Variants in RIN2 observed in about 807,000 individuals in gnomAD.
RIN2 encodes the protein Ras and Rab interactor 2, also known as RAB5 interacting protein 2.
Under a neutral mutation model 78.0 loss-of-function variants are expected in RIN2, and 36 were observed. The observed-to-expected ratio is 0.46, with a 90% CI of 0.35 to 0.61. The LOEUF (loss-of-function observed/expected upper bound fraction) is 0.61, where lower values mean the gene tolerates loss of function less well. Ranked by LOEUF, RIN2 falls within the 20% of genes least tolerant of loss-of-function variation. The pLI is 0.00. For synonymous variants in RIN2, 466 were observed against 466.8 expected, an observed-to-expected ratio of 1.00 and a Z score of 0.02; for missense variants, 1,087 against 1,159.7, an observed-to-expected ratio of 0.94 and a Z score of 0.91.
At chr20:19,934,911 T>A (rs534909272) in intron 3 of RIN2, among the ~76,000 whole-genome samples, 188 bp from the exon 4 acceptor site, 53 of 151,290 alleles carry the variant, frequency 3.5e-4, no homozygotes, top group African/African-American at 1.2e-3. Flanking sequence ...AAGGAGAAGC[T>A]GCCTCCTCCC....
At chr20:19,889,769 G>A (rs895227660) in intron 3 of RIN2, 111 bp downstream of exon 3, 31 of 823,386 alleles carry the variant, frequency 3.8e-5, no homozygotes, top group Middle Eastern at 3.2e-4. Context: ...AGCCAGCACC[G>A]GCTAAGGGAG....
intron 2 of RIN2, chr20:19,823,365 G>A: frequency 1.6e-6 from 1 of 610,596 alleles, no homozygotes; most frequent in African/African-American, 1.9e-5. Flanking sequence ...GTGAGTGAAT[G>A]GTGGTAACAT....
chr20:19,975,259 C>G lies in RIN2; in HGVS notation c.1234C>G (p.Pro412Ala). ...EAAPGDCTRA[P>A]PPSSESRPPC... The stretch of plus-strand genomic sequence containing the variant: ...CGCCCCGGGGGATTGCACAAGGGCC[C>G]CGCCGCCCAGCTCTGAATCACGGCC... Residue 412 changes from proline to alanine, a missense_variant, in exon 9 of 13, where the codon CCG (proline) becomes GCG (alanine). Physicochemically the swap from Pro to Ala is conservative, Grantham distance 27 (BLOSUM62 -1). Transcript: ENST00000255006. This position sits in a 1 kb window ranked among gnomAD's most constrained non-coding sequence, Gnocchi z 4.9. The G allele has an allele frequency of 6.3e-7, 1 of 1,583,852 alleles. No individual in the cohort carries two copies. Among genetic ancestry groups the G allele is most frequent in the East Asian group, 2.3e-5 (1 of 43,292 alleles).
chr20:19,873,481 C>T lies in RIN2; in HGVS notation c.-36-16085C>T, dbSNP rs190381756. ...ATAACATTTTAGGGTTTGCAGGCCA[C>T]GTAGTCTCTGTTGCAACTACTCAGT... On this transcript the variant is annotated intron_variant, in intron 2 of 12. Coordinates refer to ENST00000255006, the MANE Select transcript of RIN2 (RefSeq NM_018993.4). Among the ~76,000 whole-genome samples, 46 of 152,248 alleles carry T rather than the reference C, an allele frequency of 3.0e-4. No individual in the cohort carries two copies. In the East Asian group the frequency reaches 5.2e-3, roughly 17 times the overall value.
At chr20:19,972,937 T>C (rs2042152991) in intron 8 of RIN2, among the ~76,000 whole-genome samples, 1 of 152,256 alleles carries the variant, frequency 6.6e-6, no homozygotes, top group Admixed American at 6.5e-5. Flanking sequence ...ATCCAAAACA[T>C]TATAATTTCT....
intron 4 of RIN2, among the ~76,000 whole-genome samples, chr20:19,937,430 G>A (rs1211214064): frequency 3.2e-4 from 49 of 152,188 alleles, no homozygotes; most frequent in Admixed American, 3.2e-3. Context: ...TTCGTACTCT[G>A]TGAGTGTGAG....
rs144332755 is a variant in RIN2, at chr20:19,906,747, G to A, written c.57+17089G>A. On this transcript the variant is annotated intron_variant, in intron 3 of 12. Coordinates refer to ENST00000255006, the MANE Select transcript of RIN2 (RefSeq NM_018993.4). ...TGTTTAAGTCTCCTGACTTTTGCAT[G>A]AAATATTATTATATTTAAATGTTGA... 9.2e-5 allele frequency among the ~76,000 whole-genome samples: 14 copies of A among 152,300 alleles called. 1 individual carries two copies. The East Asian group carries it at 2.7e-3, about 29-fold the overall frequency.
At chr20:19,794,578 G>A (rs1160309246) in intron 1 of RIN2, among the ~76,000 whole-genome samples, 1 of 147,794 alleles carries the variant, frequency 6.8e-6, no homozygotes, top group Non-Finnish European at 1.5e-5. Context: ...ACTAGGTAAT[G>A]ATGAATAACG....
chr20:19,776,102 A>G (rs2122473612), intron 1 of RIN2, among the ~76,000 whole-genome samples: 2 of 152,242 alleles, frequency 1.3e-5, no homozygotes, highest in Admixed American at 1.3e-4. Context: ...AAGTCCCCCA[A>G]CTAACTGATG....
At chr20:19,973,874 A>G (rs141243720) in intron 8 of RIN2, among the ~76,000 whole-genome samples, 596 of 152,304 alleles carry the variant, frequency 3.9e-3, no homozygotes, top group African/African-American at 0.014. Context: ...CTCAACTTAC[A>G]TGGAACACTG....
At chr20:19,809,175 TGGGGCAGAA>T (rs2035508722) in intron 2 of RIN2, 1 of 152,206 alleles carries the variant, frequency 6.6e-6, no homozygotes, top group South Asian at 2.1e-4. Flanking sequence ...ACTTCACAGC[TGGGGCAGAA>T]GATCAGGGGA....
At chr20:19,976,644 G>A (rs950883895) in intron 9 of RIN2, among the ~76,000 whole-genome samples, 1 of 152,142 alleles carries the variant, frequency 6.6e-6, no homozygotes, top group South Asian at 2.1e-4. Flanking sequence ...TTGTTTGTTT[G>A]TTGTTTTTAA....
chr20:19,823,640 C>T lies in RIN2; in HGVS notation c.-37+23893C>T, dbSNP rs1600540704. ...ACGATCTCATCAAAAGTGATATTCC[C>T]ACTGTGTTTAATGTTTTTCTGTTTC... On this transcript the variant is annotated intron_variant, in intron 2 of 12. Transcript: ENST00000255006. 3.9e-6 allele frequency: 6 copies of T among 1,557,724 alleles called. No individual in the cohort carries two copies. The East Asian group carries it at 1.3e-4, about 35-fold the overall frequency.
intron 10 of RIN2, among the ~76,000 whole-genome samples, chr20:19,991,741 G>C (rs1054986351): frequency 6.6e-6 from 1 of 152,200 alleles, no homozygotes; most frequent in African/African-American, 2.4e-5. Context: ...TTCCTGGTTT[G>C]AGTTTGACCT....
At chr20:19,832,999 A>G (rs1465811589) in intron 2 of RIN2, among the ~76,000 whole-genome samples, 1 of 152,120 alleles carries the variant, frequency 6.6e-6, no homozygotes, top group East Asian at 1.9e-4. Context: ...GAGCCTAATG[A>G]AATTATTCAA....
At chr20:19,760,145 T>G (rs1393861921) in intron 1 of RIN2, among the ~76,000 whole-genome samples, 3 of 152,250 alleles carry the variant, frequency 2.0e-5, no homozygotes, top group Admixed American at 2.0e-4. Flanking sequence ...GGAATACTCA[T>G]GCACTCCCGT....
At chr20:19,926,650 C>A (rs1040577) in intron 3 of RIN2, among the ~76,000 whole-genome samples, 83,317 of 151,764 alleles carry the variant, frequency 0.55, 23,425 homozygotes, top group East Asian at 0.69. Flanking sequence ...AGCTGATTCC[C>A]GGATTATAAA....
intron 3 of RIN2, among the ~76,000 whole-genome samples, chr20:19,893,698 A>G (rs892195868): frequency 2.5e-4 from 38 of 152,230 alleles, no homozygotes; most frequent in African/African-American, 9.1e-4. Context: ...ATGCAGATAA[A>G]CCCATTTTCC....
chr20:19,863,900 A>G (rs2037419497), intron 2 of RIN2, among the ~76,000 whole-genome samples: 1 of 151,570 alleles, frequency 6.6e-6, no homozygotes, highest in Admixed American at 6.6e-5. Context: ...GGGAAACCCC[A>G]TATGGGCATT....
Sources: gnomAD v4.1 joint callset for allele counts (sites outside exome capture counted in the v4.1 genomes callset) on GRCh38, gnomAD v4.1.1 for gene constraint, Gnocchi (gnomAD v3.1) non-coding constraint, MANE v1.5 for transcripts, NCBI Gene and HGNC (gene_info 2026-07-23, HGNC 2026-07-21) for gene names.